Variants in MAF observed in about 807,000 individuals in gnomAD.
The protein encoded by MAF is transcription factor Maf.
A neutral mutation model predicts 22.0 loss-of-function variants in MAF; 10 were observed. The ratio of observed to expected loss-of-function variants is 0.45; its 90% CI spans 0.28 to 0.77. MAF has a LOEUF of 0.77. MAF is among the 30% of genes least tolerant of loss of function. The pLI is 0.12. For synonymous variants in MAF, 337 were observed against 255.8 expected (o/e 1.32, Z -3.03); for missense variants, 544 against 548.4 (o/e 0.99, Z 0.08).
At chr16:79,273,208 C>G in the MAF span, among the ~76,000 whole-genome samples, 2 of 152,160 alleles carry the variant, frequency 1.3e-5, no homozygotes, top group Non-Finnish European at 2.9e-5. Context: ...GGAACCTCCT[C>G]TGGCCCCAAC....
chr16:79,224,210 G>A, the MAF span, among the ~76,000 whole-genome samples: 1 of 152,190 alleles, frequency 6.6e-6, no homozygotes, highest in African/African-American at 2.4e-5. Flanking sequence ...TTTAACATAT[G>A]CAAATCAGTA....
chr16:79,413,543 G>A, the MAF span, among the ~76,000 whole-genome samples: 9 of 151,910 alleles, frequency 5.9e-5, no homozygotes, highest in African/African-American at 2.2e-4. Flanking sequence ...GAGCTGTGCA[G>A]TTTTGATCCA....
chr16:79,322,331 G>A, the MAF span, among the ~76,000 whole-genome samples: 9 of 152,238 alleles, frequency 5.9e-5, no homozygotes, highest in East Asian at 1.7e-3. Flanking sequence ...TCACCAACTG[G>A]CCATTTTGAA....
At chr16:79,478,110 C>T in the MAF span, among the ~76,000 whole-genome samples, 1 of 152,144 alleles carries the variant, frequency 6.6e-6, no homozygotes, top group African/African-American at 2.4e-5. Flanking sequence ...GAGCACCTTG[C>T]CCACAGCCTC....
At chr16:79,585,724 C>T, downstream of MAF, 1 of 558,158 alleles carries the variant, frequency 1.8e-6, no homozygotes, top group South Asian at 2.5e-5. Context: ...CACGTGAAAC[C>T]CAAATACTAA....
the MAF span, among the ~76,000 whole-genome samples, chr16:79,400,101 C>T: frequency 2.0e-5 from 3 of 152,274 alleles, no homozygotes; most frequent in South Asian, 2.1e-4. Flanking sequence ...TTTTTGGTTG[C>T]TCCAGGACAG....
chr16:79,326,631 A>G, the MAF span, among the ~76,000 whole-genome samples: 2 of 152,234 alleles, frequency 1.3e-5, no homozygotes, highest in Non-Finnish European at 2.9e-5. Flanking sequence ...GGCTCTGTAG[A>G]TCACATACGG....
chr16:79,514,567 C>T, the MAF span, among the ~76,000 whole-genome samples: 1 of 152,178 alleles, frequency 6.6e-6, no homozygotes, highest in Non-Finnish European at 1.5e-5. Context: ...GGTAGCCACA[C>T]CACCAGTTTC....
the MAF span, among the ~76,000 whole-genome samples, chr16:79,370,116 G>T: frequency 1.3e-5 from 2 of 152,126 alleles, no homozygotes; most frequent in Admixed American, 6.5e-5. Flanking sequence ...TCCTCTAAAA[G>T]TCTCCTTCCC....
chr16:79,378,314 G>T, the MAF span, among the ~76,000 whole-genome samples: 1 of 152,124 alleles, frequency 6.6e-6, no homozygotes, highest in African/African-American at 2.4e-5. Context: ...CTATGCAACA[G>T]CATAGATGAA....
chr16:79,424,495 A>T, the MAF span, among the ~76,000 whole-genome samples: 1 of 152,182 alleles, frequency 6.6e-6, no homozygotes, highest in Non-Finnish European at 1.5e-5. Flanking sequence ...TAGAAGTTAT[A>T]TTTTATGACT....
downstream of MAF, chr16:79,585,841 A>C (rs1472111827): frequency 6.5e-6 from 4 of 618,418 alleles, no homozygotes; most frequent in African/African-American, 7.5e-5. Context: ...AAAAAAAAAA[A>C]AAAACTCAAG....
chr16:79,394,379 T>A, the MAF span, among the ~76,000 whole-genome samples: 1 of 152,322 alleles, frequency 6.6e-6, no homozygotes, highest in African/African-American at 2.4e-5. Flanking sequence ...AGGCTCTCCC[T>A]GACTTCCTCC....
chr16:79,253,446 C>A, the MAF span, among the ~76,000 whole-genome samples: 4 of 152,182 alleles, frequency 2.6e-5, no homozygotes, highest in African/African-American at 9.7e-5. Context: ...CTAGGTTCCC[C>A]ATTTGAGCAG....
At chr16:79,397,251 C>T in the MAF span, among the ~76,000 whole-genome samples, 7 of 152,132 alleles carry the variant, frequency 4.6e-5, no homozygotes, top group South Asian at 1.0e-3. Flanking sequence ...GAGTCTTTAC[C>T]GTGGTTTTCT....
At chr16:79,237,250 CAG>C in the MAF span, among the ~76,000 whole-genome samples, 1 of 152,066 alleles carries the variant, frequency 6.6e-6, no homozygotes, top group African/African-American at 2.4e-5. Flanking sequence ...CTCCCCAAGA[CAG>C]GGAGCCACGG....
the MAF span, among the ~76,000 whole-genome samples, chr16:79,210,763 T>A: frequency 6.6e-6 from 1 of 151,990 alleles, no homozygotes; most frequent in African/African-American, 2.4e-5. Flanking sequence ...ATAGCATCCC[T>A]GACAGTATTC....
the MAF span, among the ~76,000 whole-genome samples, chr16:79,361,913 C>T: frequency 6.6e-6 from 1 of 152,184 alleles, no homozygotes; most frequent in Non-Finnish European, 1.5e-5. Flanking sequence ...GTCCTGCAAG[C>T]ACTGGGTGGC....
At chr16:79,212,829 G>GTGTT in the MAF span, 1 of 152,188 alleles carries the variant, frequency 6.6e-6, no homozygotes, top group Non-Finnish European at 1.5e-5. Context: ...GAGTGAGTTT[G>GTGTT]TGTTTTGTTT....
Sources: gnomAD v4.1 joint callset for allele counts (sites outside exome capture counted in the v4.1 genomes callset) on GRCh38, gnomAD v4.1.1 for gene constraint, MANE v1.5 for transcripts, NCBI Gene and HGNC (gene_info 2026-07-23, HGNC 2026-07-21) for gene names.